The following RBFOX3 variants were observed in gnomAD, a reference collection of about 807,000 sequenced individuals.
RBFOX3 encodes the protein RNA binding protein fox-1 homolog 3.
A neutral mutation model predicts 48.7 loss-of-function variants in RBFOX3; 17 were observed. That is an observed-to-expected ratio of 0.35 (90% CI 0.24 to 0.52). RBFOX3 has a LOEUF of 0.52. Ranked by LOEUF, RBFOX3 falls within the 20% of genes least tolerant of loss-of-function variation. The pLI is 0.94. For synonymous variants in RBFOX3, 212 were observed against 209.5 expected (o/e 1.01, Z -0.10); for missense variants, 382 against 497.5 (o/e 0.77, Z 2.21).
chr17:79,104,088 G>A lies in RBFOX3; in HGVS notation c.399C>T (p.Asn133=), dbSNP rs964392995. The A allele has an allele frequency of 8.4e-6, 13 of 1,551,060 alleles. No homozygotes were observed. The highest frequency in any genetic ancestry group is 2.4e-5 in the East Asian group (1 of 40,920). The part of the protein sequence containing the change: ...GKILDVEIIF[N]ERGSKGFGFV... ...CGGCACCCACCTTGGAGCCCCGCTC[G>A]TTAAAAATGATCTCCACGTCTAAAA... Residue 133 remains asparagine, a synonymous_variant, in exon 7 of 15, where the codon AAC becomes AAT. Transcript: ENST00000693108.
intron 4 of RBFOX3, among the ~76,000 whole-genome samples, chr17:79,225,318 T>C (rs2060192567): frequency 7.5e-6 from 1 of 132,768 alleles, no homozygotes; most frequent in African/African-American, 3.0e-5. Flanking sequence ...TTAGACAGGG[T>C]CTCACTCTGT....
At chr17:79,575,230 T>G (rs1261587223) in intron 1 of RBFOX3, among the ~76,000 whole-genome samples, 1 of 152,122 alleles carries the variant, frequency 6.6e-6, no homozygotes, top group African/African-American at 2.4e-5. Context: ...ATGGATGTCC[T>G]GCAGACAAGG....
At chr17:79,106,514 G>A (rs2077398813) in intron 6 of RBFOX3, 137 bp downstream of exon 6, 1 of 1,146,682 alleles carries the variant, frequency 8.7e-7, no homozygotes, top group African/African-American at 1.6e-5. Context: ...GAATCCTGGG[G>A]CCCCGGAGGC....
At chr17:79,301,102 C>A (rs576471169) in intron 3 of RBFOX3, among the ~76,000 whole-genome samples, 1 of 152,330 alleles carries the variant, frequency 6.6e-6, no homozygotes, top group African/African-American at 2.4e-5. Flanking sequence ...TACGTAGGCC[C>A]CAGGGAGAAG....
chr17:79,354,283 C>T (rs1364500101), intron 2 of RBFOX3, among the ~76,000 whole-genome samples: 2 of 152,188 alleles, frequency 1.3e-5, no homozygotes, highest in Non-Finnish European at 2.9e-5. Context: ...ATGGCGGTGT[C>T]ACCGCCCTAA....
chr17:79,144,105 T>C (rs2042510199), intron 4 of RBFOX3, among the ~76,000 whole-genome samples: 1 of 152,150 alleles, frequency 6.6e-6, no homozygotes, highest in African/African-American at 2.4e-5. Flanking sequence ...TCCAGAGATC[T>C]CCCTGCAGAG....
In RBFOX3 at chr17:79,091,519, G is replaced by A. The variant is rs3809712; in HGVS notation, c.1078-634C>T. ...CCCAGAAGCGCCATGCACCGGGCTG[G>A]CCAGTCCCAGGGCTGAGGAAGGAGT... is the stretch of plus-strand genomic sequence containing the variant. On this transcript the variant is annotated intron_variant, in intron 14 of 14. Transcript: ENST00000693108. Among the ~76,000 whole-genome samples the A allele has an allele frequency of 1.7e-4, 26 of 152,338 alleles. No homozygotes were observed. The East Asian group carries it at 5.0e-3, about 29-fold the overall frequency.
intron 4 of RBFOX3, among the ~76,000 whole-genome samples, chr17:79,168,734 AC>A (rs1418658307): frequency 1.3e-5 from 2 of 152,234 alleles, no homozygotes; most frequent in African/African-American, 4.8e-5. Context: ...CCCGGCAGAC[AC>A]AGAGCCATGG....
At chr17:79,091,256 G>A (rs372889663) in intron 14 of RBFOX3, among the ~76,000 whole-genome samples, 55 of 152,330 alleles carry the variant, frequency 3.6e-4, no homozygotes, top group African/African-American at 1.2e-3. Context: ...CCTGGTGGGC[G>A]GCAGGACTTC....
At chr17:79,437,901 C>T (rs1555732113) in intron 2 of RBFOX3, among the ~76,000 whole-genome samples, 1 of 152,154 alleles carries the variant, frequency 6.6e-6, no homozygotes, top group African/African-American at 2.4e-5. Context: ...GCACATGCCA[C>T]ACACATATAC....
intron 2 of RBFOX3, among the ~76,000 whole-genome samples, chr17:79,442,119 C>T (rs1308179896): frequency 6.6e-6 from 1 of 151,052 alleles, no homozygotes; most frequent in Non-Finnish European, 1.5e-5. Context: ...CTCCTCTGTC[C>T]CTGCTGAGCC....
intron 2 of RBFOX3, among the ~76,000 whole-genome samples, chr17:79,401,673 G>A (rs1598532743): frequency 6.6e-6 from 1 of 152,162 alleles, no homozygotes; most frequent in Non-Finnish European, 1.5e-5. Flanking sequence ...GTGTTTGGAC[G>A]TTCGCTGAGC....
At chr17:79,114,713 C>T (rs997117608) in intron 5 of RBFOX3, among the ~76,000 whole-genome samples, 7 of 152,178 alleles carry the variant, frequency 4.6e-5, no homozygotes, top group Non-Finnish European at 1.0e-4. Flanking sequence ...TGGGACAGGG[C>T]CAGCGGGGAC....
rs897160848 is a variant in RBFOX3, at chr17:79,418,335, C to T, written c.-175+64119G>A. ...CCACCCATGCACACGCGTGCACACACGTTTCCCACACTAAAAGTTGGCCAC... is the reference window on the plus strand; with the variant it reads ...CCACCCATGCACACGCGTGCACACATGTTTCCCACACTAAAAGTTGGCCAC... On this transcript the variant is annotated intron_variant, in intron 2 of 14. Coordinates refer to ENST00000693108, the MANE Select transcript of RBFOX3 (RefSeq NM_001350451.2). The surrounding 1 kb of genome is among the most constrained non-coding windows in gnomAD (Gnocchi z 5.0). Among the ~76,000 whole-genome samples the T allele has an allele frequency of 6.6e-5, 10 of 152,334 alleles. No homozygotes were observed. The highest frequency in any genetic ancestry group is 5.8e-4 in the East Asian group (3 of 5,182).
At chr17:79,138,987 CCT>C (rs1491422174) in intron 4 of RBFOX3, among the ~76,000 whole-genome samples, 1 of 136,622 alleles carries the variant, frequency 7.3e-6, no homozygotes, top group Non-Finnish European at 1.6e-5. Context: ...GTTCACACCC[CCT>C]CACACACATG....
rs560173547 is a variant in RBFOX3, at chr17:79,367,761, TG to T, written c.-174-59938del. Among the ~76,000 whole-genome samples, 15 of 151,900 alleles carry T rather than the reference TG, an allele frequency of 9.9e-5. No individual in the cohort carries two copies. The South Asian group carries it at 3.1e-3, about 32-fold the overall frequency. ...TGGTGGGCCGGACAGGCAGCTCTTT[TG>T]GGGGGTCTCTGTGGCAGCCAAGGTA... On this transcript the variant is annotated intron_variant, in intron 2 of 14. Coordinates refer to ENST00000693108, the MANE Select transcript of RBFOX3 (RefSeq NM_001350451.2).
At chr17:79,440,088 G>A (rs1555733851) in intron 2 of RBFOX3, among the ~76,000 whole-genome samples, 1 of 152,162 alleles carries the variant, frequency 6.6e-6, no homozygotes, top group African/African-American at 2.4e-5. Context: ...GAGCGGCAAC[G>A]AGGACATGGG....
chr17:79,111,932 C>T lies in RBFOX3; in HGVS notation c.222+3562G>A, dbSNP rs1398009283. Among the ~76,000 whole-genome samples, 1 of 152,236 alleles carries T rather than the reference C, an allele frequency of 6.6e-6. No individual in the cohort carries two copies. Among genetic ancestry groups the T allele is most frequent in the African/African-American group, 2.4e-5 (1 of 41,466 alleles). ...CCCTCATCGCACTCTGTACCCTTTG[C>T]TGCTTTTGTCCAGAGAAGGCAGGTG... On this transcript the variant is annotated intron_variant, in intron 5 of 14. Transcript: ENST00000693108. This position sits in a 1 kb window ranked among gnomAD's most constrained non-coding sequence, Gnocchi z 4.2.
chr17:79,130,486 C>T (rs1179835417), intron 4 of RBFOX3, among the ~76,000 whole-genome samples: 2 of 152,256 alleles, frequency 1.3e-5, no homozygotes, highest in Non-Finnish European at 2.9e-5. Flanking sequence ...GTGGTCCCTG[C>T]CACCGCCCTC....
Sources: gnomAD v4.1 joint callset for allele counts (sites outside exome capture counted in the v4.1 genomes callset) on GRCh38, gnomAD v4.1.1 for gene constraint, Gnocchi (gnomAD v3.1) non-coding constraint, MANE v1.5 for transcripts, NCBI Gene and HGNC (gene_info 2026-07-23, HGNC 2026-07-21) for gene names.